The following BBS9 variants were observed in gnomAD, a reference collection of about 807,000 sequenced individuals.
BBS9 encodes the protein protein PTHB1.
In BBS9, 89 loss-of-function variants were observed where a neutral mutation model predicts 117.7. The observed-to-expected ratio is 0.76, with a 90% CI of 0.64 to 0.90. The LOEUF (loss-of-function observed/expected upper bound fraction) is 0.90. BBS9 is among the 40% of genes least tolerant of loss of function. BBS9 has a pLI of 0.00. For synonymous variants in BBS9, 379 were observed against 370.9 expected (o/e 1.02, Z -0.25); for missense variants, 982 against 1,042.2 (o/e 0.94, Z 0.80).
intron 21 of BBS9, among the ~76,000 whole-genome samples, chr7:33,594,042 T>A (rs1862336353): frequency 6.6e-6 from 1 of 152,114 alleles, no homozygotes; most frequent in Non-Finnish European, 1.5e-5. Flanking sequence ...TGTGGAAACA[T>A]CTTAATACTA....
chr7:33,177,412 A>G, intron 4 of BBS9, 66 bp from the exon 5 acceptor site: 1 of 1,056,000 alleles, frequency 9.5e-7, no homozygotes, highest in South Asian at 1.3e-5. Context: ...GGAGTAGTGG[A>G]TGAGAACAAA....
chr7:33,155,178 A>G (rs569476029), intron 3 of BBS9, among the ~76,000 whole-genome samples: 1 of 152,314 alleles, frequency 6.6e-6, no homozygotes, highest in East Asian at 1.9e-4. Context: ...TGTAATAATG[A>G]TTGGTGTTTT....
chr7:33,626,683 G>A (rs6957961), intron 21 of BBS9, among the ~76,000 whole-genome samples: 5,897 of 152,278 alleles, frequency 0.039, 271 homozygotes, highest in East Asian at 0.25. Context: ...TGTGGAGGTT[G>A]TTAGGCATTA....
At chr7:33,590,954 A>G (rs529116026) in intron 21 of BBS9, among the ~76,000 whole-genome samples, 1 of 152,184 alleles carries the variant, frequency 6.6e-6, no homozygotes, top group Admixed American at 6.6e-5. Context: ...GAATTTTAAG[A>G]GCAGGCAGTT....
intron 15 of BBS9, 116 bp downstream of exon 15, chr7:33,352,989 A>G (rs1818955599): frequency 6.4e-6 from 7 of 1,086,366 alleles, no homozygotes; most frequent in South Asian, 4.1e-5. Flanking sequence ...AACTAGAAGA[A>G]GTTCTTTAGG....
At chr7:33,505,800 A>G in intron 20 of BBS9, 155 bp downstream of exon 20, 2 of 823,118 alleles carry the variant, frequency 2.4e-6, no homozygotes, top group South Asian at 3.4e-5. Flanking sequence ...CCATAATAAA[A>G]ATGTCAAACA....
rs751035704 is a variant in BBS9 at position 33,367,860 on chromosome 7, C to A, written c.1787C>A (p.Ser596Tyr). 1 of 1,613,414 alleles carries A rather than the reference C, an allele frequency of 6.2e-7. No individual in the cohort carries two copies. Among genetic ancestry groups the A allele is most frequent in the South Asian group, 1.1e-5 (1 of 91,074 alleles). ...ATTACTGTTCTTGCTTCCAAAACTT[C>A]TCGTAAGTAAAACCATGTTATCATT... ...ARITVLASKT[S>Y]QRYRIQSEQF... The change falls in exon 17 of 23, where the codon TCT (serine) becomes TAT (tyrosine). Residue 596 changes from serine (S) to tyrosine (Y), a missense_variant and splice_region_variant. Coordinates refer to ENST00000242067, the MANE Select transcript of BBS9 (RefSeq NM_198428.3).
intron 19 of BBS9, among the ~76,000 whole-genome samples, chr7:33,423,225 C>T (rs761218126): frequency 1.3e-5 from 2 of 152,124 alleles, no homozygotes; most frequent in Non-Finnish European, 2.9e-5. Context: ...AGCACAAGTG[C>T]GGACCCGATT....
intron 5 of BBS9, among the ~76,000 whole-genome samples, chr7:33,248,121 T>G (rs944284987): frequency 6.6e-6 from 1 of 152,194 alleles, no homozygotes; most frequent in Non-Finnish European, 1.5e-5. Flanking sequence ...TTTTATTTTC[T>G]TGTATCTTAA....
intron 21 of BBS9, among the ~76,000 whole-genome samples, chr7:33,551,574 C>A (rs903341992): frequency 6.6e-6 from 1 of 152,074 alleles, no homozygotes; most frequent in Non-Finnish European, 1.5e-5. Flanking sequence ...AAGACTGAGA[C>A]CCCAAGGTGA....
chr7:33,502,060 C>T (rs983399736), intron 19 of BBS9, among the ~76,000 whole-genome samples: 13 of 152,140 alleles, frequency 8.5e-5, no homozygotes, highest in African/African-American at 3.1e-4. Context: ...CAGGCACGTG[C>T]CACCATGCCC....
At chr7:33,450,191 A>G (rs571229985) in intron 19 of BBS9, among the ~76,000 whole-genome samples, 9 of 152,244 alleles carry the variant, frequency 5.9e-5, no homozygotes, top group Non-Finnish European at 1.2e-4. Context: ...TCTATGCTGT[A>G]TAACACATGA....
chr7:33,336,393 C>G (rs1372577421), intron 9 of BBS9, 48 bp from the exon 10 acceptor site: 1 of 1,487,558 alleles, frequency 6.7e-7, no homozygotes. Flanking sequence ...TCAAGACTAA[C>G]TCTACTGAAA....
intron 21 of BBS9, among the ~76,000 whole-genome samples, chr7:33,539,784 G>A (rs546009162): frequency 6.6e-6 from 1 of 152,286 alleles, no homozygotes; most frequent in East Asian, 1.9e-4. Flanking sequence ...CGTGTGACAG[G>A]CACAGTTCTC....
chr7:33,511,616 A>G (rs1011489912), intron 20 of BBS9, among the ~76,000 whole-genome samples: 8 of 152,216 alleles, frequency 5.3e-5, no homozygotes, highest in Non-Finnish European at 1.0e-4. Context: ...GAACTTAAAA[A>G]TCCCCTGGGA....
intron 21 of BBS9, among the ~76,000 whole-genome samples, chr7:33,545,001 C>A (rs1397602788): frequency 1.3e-5 from 2 of 152,056 alleles, no homozygotes; most frequent in Non-Finnish European, 2.9e-5. Flanking sequence ...CAGGCCTTAC[C>A]CAGCTCCCAT....
At position 33,358,046 on chromosome 7, in the gene BBS9, A is replaced by T. The variant is rs759045209; in HGVS notation, c.1693+51A>T. The stretch of plus-strand genomic sequence containing the variant: ...GCAGCATCAAAAATGCTAAGAATTT[A>T]GAATGGAATCCTTCATCAGCAGATA... On this transcript the variant is annotated intron_variant, in intron 16 of 22. Coordinates refer to ENST00000242067, the MANE Select transcript of BBS9 (RefSeq NM_198428.3). 15 of 1,576,046 alleles carry T rather than the reference A, an allele frequency of 9.5e-6. No homozygotes were observed. The East Asian group carries it at 3.1e-4, about 33-fold the overall frequency.
chr7:33,447,662 C>T (rs564588603), intron 19 of BBS9, among the ~76,000 whole-genome samples: 17 of 152,204 alleles, frequency 1.1e-4, no homozygotes, highest in Admixed American at 6.5e-4. Flanking sequence ...TTGATGCCTG[C>T]GGAATGATTA....
At chr7:33,216,896 C>T (rs1046103208) in intron 5 of BBS9, among the ~76,000 whole-genome samples, 4 of 152,212 alleles carry the variant, frequency 2.6e-5, no homozygotes, top group African/African-American at 9.6e-5. Context: ...GAGTTTGAGA[C>T]CAGCCTGGCC....
Sources: gnomAD v4.1 joint callset for allele counts (sites outside exome capture counted in the v4.1 genomes callset) on GRCh38, gnomAD v4.1.1 for gene constraint, MANE v1.5 for transcripts, NCBI Gene and HGNC (gene_info 2026-07-23, HGNC 2026-07-21) for gene names.